The following ADAM10 variants were observed in gnomAD, a reference collection of about 807,000 sequenced individuals.
ADAM10 encodes the protein ADAM metallopeptidase domain 10, also known as disintegrin and metalloproteinase domain-containing protein 10.
ADAM10 carries 17 observed loss-of-function variants against 90.1 expected under a neutral mutation model. That is an observed-to-expected ratio of 0.19 (90% CI 0.13 to 0.28). ADAM10 has a LOEUF of 0.28. ADAM10 is among the 10% of genes least tolerant of loss of function. ADAM10 has a pLI of 1.00. For synonymous variants in ADAM10, 310 were observed against 298.6 expected, an observed-to-expected ratio of 1.04 and a Z score of -0.40; for missense variants, 610 against 914.3, an observed-to-expected ratio of 0.67 and a Z score of 4.29.
In ADAM10 at chr15:58,691,279, C is replaced by A. The variant is rs1490081512; in HGVS notation, c.207-8965G>T. ...TCCTCATCCTCAGGTAGCTCCAGAC[C>A]CTCCTTGGTAACTGACAGCAGGCTC... On this transcript the variant is annotated intron_variant, in intron 2 of 15. Coordinates refer to ENST00000260408, the MANE Select transcript of ADAM10 (RefSeq NM_001110.4). 3 of 1,248,516 alleles carry A rather than the reference C, an allele frequency of 2.4e-6. 1 individual carries two copies. The South Asian group carries it at 3.7e-5, about 15-fold the overall frequency. 77.3% of individuals were successfully genotyped at this position (1,248,516 alleles called of 1,614,324 possible).
chr15:58,700,728 A>G (rs1185496535), intron 2 of ADAM10, among the ~76,000 whole-genome samples: 1 of 152,264 alleles, frequency 6.6e-6, no homozygotes, highest in South Asian at 2.1e-4. Context: ...AAATTATAAT[A>G]ATCAAGGTGA....
intron 9 of ADAM10, among the ~76,000 whole-genome samples, chr15:58,632,094 T>C (rs1896120163): frequency 6.6e-6 from 1 of 152,224 alleles, no homozygotes; most frequent in South Asian, 2.1e-4. Flanking sequence ...CATACAGTTT[T>C]CAAGTGTACA....
chr15:58,628,960 T>A (rs1237882703), intron 9 of ADAM10, among the ~76,000 whole-genome samples: 1 of 152,234 alleles, frequency 6.6e-6, no homozygotes, highest in South Asian at 2.1e-4. Flanking sequence ...TTCTTCTGAA[T>A]CTAGATGCAG....
intron 3 of ADAM10, among the ~76,000 whole-genome samples, chr15:58,679,998 C>G (rs145418225): frequency 2.6e-5 from 4 of 152,310 alleles, no homozygotes; most frequent in African/African-American, 9.6e-5. Context: ...ATAAAGACAT[C>G]CAAAGCATCT....
intron 2 of ADAM10, among the ~76,000 whole-genome samples, chr15:58,711,879 C>G (rs1898485333): frequency 6.6e-6 from 1 of 151,970 alleles, no homozygotes; most frequent in African/African-American, 2.4e-5. Flanking sequence ...TTAATTATCA[C>G]TTTGAAACGG....
At chr15:58,681,617 A>G (rs1428605730) in intron 3 of ADAM10, among the ~76,000 whole-genome samples, 1 of 152,116 alleles carries the variant, frequency 6.6e-6, no homozygotes, top group Non-Finnish European at 1.5e-5. Flanking sequence ...TGACTTCTAT[A>G]GTTGTTCTGT....
Position 58,743,496 on chromosome 15 carries a change from A to G in ADAM10, c.55+5984T>C, listed in dbSNP as rs1335679155. 2.0e-5 allele frequency among the ~76,000 whole-genome samples: 3 copies of G among 152,368 alleles called. No homozygotes were observed. In the East Asian group the frequency reaches 5.8e-4, roughly 29 times the overall value. On this transcript the variant is annotated intron_variant, in intron 1 of 15. Coordinates refer to ENST00000260408, the MANE Select transcript of ADAM10 (RefSeq NM_001110.4). ...AAATTTAACTTTATACAAATGTAAA[A>G]ATCACCAAAATGGTAACACAGTTGC...
chr15:58,625,356 A>G (rs191622445), intron 10 of ADAM10, among the ~76,000 whole-genome samples: 1 of 152,372 alleles, frequency 6.6e-6, no homozygotes, highest in Admixed American at 6.5e-5. Flanking sequence ...AAACATGGAC[A>G]GACATTTCAT....
At chr15:58,663,442 T>C (rs1418714116) in intron 5 of ADAM10, among the ~76,000 whole-genome samples, 3 of 152,206 alleles carry the variant, frequency 2.0e-5, no homozygotes, top group South Asian at 2.1e-4. Flanking sequence ...CCTTGTGCTA[T>C]CACACTCTCA....
chr15:58,617,023 G>T (rs1445516768), intron 11 of ADAM10, among the ~76,000 whole-genome samples: 2 of 152,010 alleles, frequency 1.3e-5, no homozygotes, highest in East Asian at 1.9e-4. Flanking sequence ...GCAGGAGAAT[G>T]GCGTGAATCC....
chr15:58,666,481 G>GT (rs1471081722), intron 4 of ADAM10, among the ~76,000 whole-genome samples: 1 of 151,770 alleles, frequency 6.6e-6, no homozygotes, highest in African/African-American at 2.4e-5. Context: ...CATTCACCTA[G>GT]TTAACACCAG....
chr15:58,715,905 T>C (rs879438757), intron 2 of ADAM10, among the ~76,000 whole-genome samples: 1 of 152,224 alleles, frequency 6.6e-6, no homozygotes, highest in African/African-American at 2.4e-5. Context: ...AGTCAAACCA[T>C]ATTTGGTATA....
chr15:58,700,996 T>C (rs1378082055), intron 2 of ADAM10, among the ~76,000 whole-genome samples: 1 of 104,080 alleles, frequency 9.6e-6, no homozygotes, highest in Admixed American at 1.0e-4. Flanking sequence ...CAGAACAAAA[T>C]TCCAACTTAA....
At chr15:58,685,683 T>G (rs1897580563) in intron 2 of ADAM10, among the ~76,000 whole-genome samples, 1 of 150,608 alleles carries the variant, frequency 6.6e-6, no homozygotes, top group Non-Finnish European at 1.5e-5. Flanking sequence ...CACAATAAAC[T>G]AGTAACAATG....
chr15:58,601,690 A>G (rs1895116233), intron 14 of ADAM10, among the ~76,000 whole-genome samples: 1 of 152,162 alleles, frequency 6.6e-6, no homozygotes, highest in Admixed American at 6.6e-5. Flanking sequence ...CATTTGTCCC[A>G]ATACTATCCA....
intron 7 of ADAM10, among the ~76,000 whole-genome samples, chr15:58,642,600 G>A (rs570777653): frequency 1.7e-3 from 261 of 152,094 alleles, no homozygotes; most frequent in African/African-American, 6.0e-3. Flanking sequence ...GTTTTAATAA[G>A]AGGTAAGGTC....
intron 1 of ADAM10, among the ~76,000 whole-genome samples, chr15:58,723,720 A>T (rs1488216995): frequency 6.6e-6 from 1 of 152,090 alleles, no homozygotes; most frequent in Non-Finnish European, 1.5e-5. Context: ...AATAAAAAAT[A>T]AAAAATAAAC....
chr15:58,602,110 G>A (rs1265852382), intron 14 of ADAM10, among the ~76,000 whole-genome samples: 1 of 152,008 alleles, frequency 6.6e-6, no homozygotes, highest in Admixed American at 6.6e-5. Context: ...AACTTTCAAT[G>A]TATTCATTTA....
At chr15:58,633,586 C>A (rs1014343296) in intron 8 of ADAM10, among the ~76,000 whole-genome samples, 23 of 152,122 alleles carry the variant, frequency 1.5e-4, no homozygotes, top group African/African-American at 4.8e-4. Context: ...GAGTACACAG[C>A]CTTTACAAAA....
Sources: gnomAD v4.1 joint callset for allele counts (sites outside exome capture counted in the v4.1 genomes callset) on GRCh38, gnomAD v4.1.1 for gene constraint, MANE v1.5 for transcripts, NCBI Gene and HGNC (gene_info 2026-07-23, HGNC 2026-07-21) for gene names.